AGAP1: variants seen among roughly 807,000 people sequenced by gnomAD.
AGAP1 encodes the protein arf-GAP with GTPase, ANK repeat and PH domain-containing protein 1.
In AGAP1, 29 loss-of-function variants were observed where a neutral mutation model predicts 105.3. That is an observed-to-expected ratio of 0.28 (90% CI 0.21 to 0.38). The LOEUF is 0.38. Among genes scored for constraint, AGAP1 ranks in the 10% least tolerant of loss-of-function variants. The pLI, the probability that AGAP1 is intolerant of heterozygous loss-of-function variation, is 1.00. For synonymous variants in AGAP1, 509 were observed against 485.9 expected, an observed-to-expected ratio of 1.05 and a Z score of -0.63; for missense variants, 998 against 1,165.1, an observed-to-expected ratio of 0.86 and a Z score of 2.09.
intron 13 of AGAP1, among the ~76,000 whole-genome samples, chr2:235,987,112 T>G (rs552419389): frequency 5.3e-5 from 7 of 131,928 alleles, no homozygotes; most frequent in South Asian, 5.4e-4. Context: ...TTTATTGTTA[T>G]TTATTTATTT....
In AGAP1 at chr2:235,866,145, C is replaced by G. The variant is rs138422700; in HGVS notation, c.1051-17200C>G. On this transcript the variant is annotated intron_variant, in intron 9 of 17. Transcript: ENST00000304032. The surrounding 1 kb of genome is among the most constrained non-coding windows in gnomAD (Gnocchi z 6.1). ...TAGTTAGGCAGCAGCATGCGATGCC[C>G]TGTGCGCATCTTTATTTTTGGTTTT... Among the ~76,000 whole-genome samples, 437 of 152,274 alleles carry G rather than the reference C, an allele frequency of 2.9e-3. No homozygotes were observed. The highest frequency in any genetic ancestry group is 5.1e-3 in the Non-Finnish European group (350 of 68,022).
At chr2:235,826,747 A>G (rs1389276601) in intron 9 of AGAP1, among the ~76,000 whole-genome samples, 2 of 152,226 alleles carry the variant, frequency 1.3e-5, no homozygotes, top group Middle Eastern at 3.4e-3. Flanking sequence ...TTGCTTCCCC[A>G]TATCTTTTTA....
In AGAP1 at chr2:236,104,947, A is replaced by C. The variant is rs1264770487; in HGVS notation, c.2115-15245A>C. Reference sequence around the variant, plus strand: ...GTGCACAGAGCCCTCGAGGTACCAGAGCAGAGCTGTGGATGCCCGTCTAAG... The same window carrying C: ...GTGCACAGAGCCCTCGAGGTACCAGCGCAGAGCTGTGGATGCCCGTCTAAG... On this transcript the variant is annotated intron_variant, in intron 16 of 17. Transcript: ENST00000304032. This position sits in a 1 kb window ranked among gnomAD's most constrained non-coding sequence, Gnocchi z 4.7. Among the ~76,000 whole-genome samples the C allele has an allele frequency of 1.3e-5, 2 of 152,040 alleles. No homozygotes were observed. The highest frequency in any genetic ancestry group is 1.3e-4 in the Admixed American group (2 of 15,270).
intron 16 of AGAP1, among the ~76,000 whole-genome samples, chr2:236,052,554 T>C (rs2125720562): frequency 6.6e-6 from 1 of 152,286 alleles, no homozygotes; most frequent in Non-Finnish European, 1.5e-5. Flanking sequence ...CCGTTCAAAC[T>C]TGAGCAGCAT....
chr2:235,746,393 T>C (rs1165189431), intron 5 of AGAP1, among the ~76,000 whole-genome samples: 5 of 126,930 alleles, frequency 3.9e-5, no homozygotes, highest in African/African-American at 1.2e-4. Flanking sequence ...TTTTTTTTTT[T>C]TTTTTTTTTT....
rs1364952220 is a variant in AGAP1, at chr2:235,988,978, G to A, written c.1645+20355G>A. On this transcript the variant is annotated intron_variant, in intron 13 of 17. Coordinates refer to ENST00000304032, the MANE Select transcript of AGAP1 (RefSeq NM_001037131.3). This position sits in a 1 kb window ranked among gnomAD's most constrained non-coding sequence, Gnocchi z 4.7. ...TTGAGTTTTAGTTTAGGTCTTCCGA[G>A]GAATGCACAGACCACACGTTGTCAG... is the stretch of plus-strand genomic sequence containing the variant. 2.0e-5 allele frequency among the ~76,000 whole-genome samples: 3 copies of A among 152,152 alleles called. No individual in the cohort carries two copies. The highest frequency in any genetic ancestry group is 7.2e-5 in the African/African-American group (3 of 41,442).
At chr2:236,079,665 G>A (rs1455461196) in intron 16 of AGAP1, among the ~76,000 whole-genome samples, 4 of 152,072 alleles carry the variant, frequency 2.6e-5, no homozygotes, top group Non-Finnish European at 5.9e-5. Context: ...GGAGGAAGTG[G>A]GTTGCAGGGT....
Position 235,662,274 on chromosome 2 carries a change from C to G in AGAP1, c.164-46905C>G, listed in dbSNP as rs535207590. ...GGTAGTCACATCTTAACTTGTGGCG[C>G]GGCTTTAGAGAGTGTCTGTGCAGGC... is the stretch of plus-strand genomic sequence containing the variant. On this transcript the variant is annotated intron_variant, in intron 1 of 17. Transcript: ENST00000304032. The surrounding 1 kb of genome is among the most constrained non-coding windows in gnomAD (Gnocchi z 4.2). Among the ~76,000 whole-genome samples the G allele has an allele frequency of 6.6e-6, 1 of 152,126 alleles. No individual in the cohort carries two copies. The highest frequency in any genetic ancestry group is 1.5e-5 in the Non-Finnish European group (1 of 68,038).
intron 6 of AGAP1, among the ~76,000 whole-genome samples, chr2:235,786,756 A>ACAG (rs1956664907): frequency 6.6e-6 from 1 of 152,216 alleles, no homozygotes; most frequent in Non-Finnish European, 1.5e-5. Flanking sequence ...CGAGAAGAGC[A>ACAG]CAGCTCTCTT....
rs766663237 is a variant in AGAP1 at position 235,615,663 on chromosome 2, G to A, written c.164-93516G>A. Among the ~76,000 whole-genome samples, 3 of 152,050 alleles carry A rather than the reference G, an allele frequency of 2.0e-5. No individual in the cohort carries two copies. Among genetic ancestry groups the A allele is most frequent in the Non-Finnish European group, 4.4e-5 (3 of 68,018 alleles). Reference sequence around the variant, plus strand: ...ATGCATTTTGCCTCTTGGGGAGCTGGGTTATTGTGAAACTAGGTCAAATTA... The same window carrying A: ...ATGCATTTTGCCTCTTGGGGAGCTGAGTTATTGTGAAACTAGGTCAAATTA... On this transcript the variant is annotated intron_variant, in intron 1 of 17. Transcript: ENST00000304032. The surrounding 1 kb of genome is among the most constrained non-coding windows in gnomAD (Gnocchi z 5.0).
intron 1 of AGAP1, among the ~76,000 whole-genome samples, chr2:235,562,076 G>A (rs1194021085): frequency 6.6e-6 from 1 of 152,146 alleles, no homozygotes; most frequent in Non-Finnish European, 1.5e-5. Context: ...GGTATGTGTA[G>A]TGTTACACCT....
intron 6 of AGAP1, among the ~76,000 whole-genome samples, chr2:235,794,418 T>C (rs79263834): frequency 0.04 from 6,069 of 152,272 alleles, 413 homozygotes; most frequent in African/African-American, 0.14. Flanking sequence ...GGAAGTGTGC[T>C]GCCCAATTTG....
Position 235,901,684 on chromosome 2 carries a change from T to C in AGAP1, c.1156-7054T>C, listed in dbSNP as rs2051072119. ...TCACCTGAAGTCAGAAGTTGGAGAC[T>C]AGTCTGGCCAACATGGTGAAACCCC... On this transcript the variant is annotated intron_variant, in intron 10 of 17. Coordinates refer to ENST00000304032, the MANE Select transcript of AGAP1 (RefSeq NM_001037131.3). The surrounding 1 kb of genome is among the most constrained non-coding windows in gnomAD (Gnocchi z 4.3). 6.6e-6 allele frequency among the ~76,000 whole-genome samples: 1 copy of C among 152,130 alleles called. No individual in the cohort carries two copies. The highest frequency in any genetic ancestry group is 1.5e-5 in the Non-Finnish European group (1 of 68,012).
At chr2:236,064,553 G>C (rs761450191) in intron 16 of AGAP1, among the ~76,000 whole-genome samples, 1 of 152,210 alleles carries the variant, frequency 6.6e-6, no homozygotes. Flanking sequence ...CTGAGATCGT[G>C]CCACTGCACT....
intron 11 of AGAP1, among the ~76,000 whole-genome samples, chr2:235,925,578 G>A (rs2052406557): frequency 6.6e-6 from 1 of 152,164 alleles, no homozygotes; most frequent in African/African-American, 2.4e-5. Context: ...TTTAATGCCT[G>A]GGTAGCAAGC....
At chr2:235,738,309 AAG>A (rs1448516780) in intron 3 of AGAP1, among the ~76,000 whole-genome samples, 1 of 152,018 alleles carries the variant, frequency 6.6e-6, no homozygotes, top group Non-Finnish European at 1.5e-5. Context: ...GCAGGGTTCT[AAG>A]AGCTTTTCAT....
At chr2:235,694,555 A>T (rs1949906509) in intron 1 of AGAP1, among the ~76,000 whole-genome samples, 1 of 151,098 alleles carries the variant, frequency 6.6e-6, no homozygotes, top group African/African-American at 2.4e-5. Flanking sequence ...GGCTGAGGCA[A>T]GAGAATTGCT....
rs559461333 is a variant in AGAP1, at chr2:236,018,840, T to C, written c.1646-17721T>C. Reference sequence around the variant, plus strand: ...CAACAGGCCTGGGAAACCTCTGCTTTGGGTACTTCCGTTCACCACAGTGGG... The same window carrying C: ...CAACAGGCCTGGGAAACCTCTGCTTCGGGTACTTCCGTTCACCACAGTGGG... On this transcript the variant is annotated intron_variant, in intron 13 of 17. Coordinates refer to ENST00000304032, the MANE Select transcript of AGAP1 (RefSeq NM_001037131.3). Among the ~76,000 whole-genome samples, 4 of 152,314 alleles carry C rather than the reference T, an allele frequency of 2.6e-5. No homozygotes were observed. The East Asian group carries it at 7.7e-4, about 29-fold the overall frequency.
rs1314526504 is a variant in AGAP1, at chr2:236,113,104, C to T, written c.2115-7088C>T. ...TCCCAAAATACGGCCACCACTCTGC[C>T]GTCACGTGTGCATCTTGTTCCACAT... On this transcript the variant is annotated intron_variant, in intron 16 of 17. Transcript: ENST00000304032. The surrounding 1 kb of genome is among the most constrained non-coding windows in gnomAD (Gnocchi z 4.3). Among the ~76,000 whole-genome samples the T allele has an allele frequency of 6.6e-6, 1 of 152,188 alleles. No individual in the cohort carries two copies. The highest frequency in any genetic ancestry group is 2.1e-4 in the South Asian group (1 of 4,824).
Sources: gnomAD v4.1 joint callset for allele counts (sites outside exome capture counted in the v4.1 genomes callset) on GRCh38, gnomAD v4.1.1 for gene constraint, Gnocchi (gnomAD v3.1) non-coding constraint, MANE v1.5 for transcripts, NCBI Gene and HGNC (gene_info 2026-07-23, HGNC 2026-07-21) for gene names.